CASZ1: variants seen among roughly 807,000 people sequenced by gnomAD.
CASZ1 encodes zinc finger protein castor homolog 1.
CASZ1 carries 28 observed loss-of-function variants against 135.2 expected under a neutral mutation model. The ratio of observed to expected loss-of-function variants is 0.21; its 90% CI spans 0.15 to 0.28. The LOEUF is 0.28. Among genes scored for constraint, CASZ1 ranks in the 10% least tolerant of loss-of-function variants. CASZ1 has a pLI of 1.00. For synonymous variants in CASZ1, 1,068 were observed against 1,073.4 expected (o/e 0.99, Z 0.10); for missense variants, 2,161 against 2,453.3 (o/e 0.88, Z 2.52).
chr1:10,678,622 A>G (rs563015417), intron 4 of CASZ1, among the ~76,000 whole-genome samples: 1 of 151,968 alleles, frequency 6.6e-6, no homozygotes, highest in African/African-American at 2.4e-5. Flanking sequence ...GGTAAATTAG[A>G]TCTGAAAGCT....
chr1:10,742,659 A>C (rs570412744), intron 2 of CASZ1, among the ~76,000 whole-genome samples: 43 of 152,300 alleles, frequency 2.8e-4, no homozygotes, highest in Admixed American at 2.5e-3. Context: ...ATTGAAAGGA[A>C]GGAGAGGAAG....
intron 2 of CASZ1, among the ~76,000 whole-genome samples, chr1:10,714,621 A>G (rs1639345594): frequency 6.6e-6 from 1 of 152,236 alleles, no homozygotes; most frequent in South Asian, 2.1e-4. Context: ...CTGCCCAGCC[A>G]GGAATGTGCT....
In CASZ1 at chr1:10,721,804, G is replaced by A. The variant is rs1001525431; in HGVS notation, c.-76-16260C>T. ...CAGCCCAGCAAGTCTCTGGGTCGTG[G>A]TGGAGGCCAACTGCCTTTTTGCTGC... On this transcript the variant is annotated intron_variant, in intron 2 of 20. Transcript: ENST00000377022. The surrounding 1 kb of genome is among the most constrained non-coding windows in gnomAD (Gnocchi z 5.4). 2.6e-5 allele frequency among the ~76,000 whole-genome samples: 4 copies of A among 152,266 alleles called. No individual in the cohort carries two copies. The highest frequency in any genetic ancestry group is 4.4e-5 in the Non-Finnish European group (3 of 68,038).
At chr1:10,660,635 T>C (rs755393360) in intron 5 of CASZ1, 99 bp from the exon 6 acceptor site, 108 of 898,886 alleles carry the variant, frequency 1.2e-4, no homozygotes, top group Non-Finnish European at 1.8e-4. Flanking sequence ...AGGGGGTCAG[T>C]GTGGGGAGGG....
rs911218397 is a variant in CASZ1 at position 10,794,877 on chromosome 1, A to G, written c.-234+1687T>C. Among the ~76,000 whole-genome samples the G allele has an allele frequency of 6.6e-6, 1 of 151,066 alleles. No homozygotes were observed. The highest frequency in any genetic ancestry group is 1.5e-5 in the Non-Finnish European group (1 of 67,682). ...TCGCCCAAACGCTCCGCAGCGGCCC[A>G]GCAACCGCCCGCCCGCCCGCGCCCG... On this transcript the variant is annotated intron_variant, in intron 1 of 20. Coordinates refer to ENST00000377022, the MANE Select transcript of CASZ1 (RefSeq NM_001079843.3). This position sits in a 1 kb window ranked among gnomAD's most constrained non-coding sequence, Gnocchi z 5.6.
intron 1 of CASZ1, among the ~76,000 whole-genome samples, chr1:10,795,314 T>C (rs1274639186): frequency 6.6e-6 from 1 of 152,176 alleles, no homozygotes; most frequent in Non-Finnish European, 1.5e-5. Context: ...GCTCTCTCCC[T>C]TTGGTGTTCC....
At chr1:10,753,471 C>A (rs534838530) in intron 2 of CASZ1, among the ~76,000 whole-genome samples, 6 of 152,352 alleles carry the variant, frequency 3.9e-5, no homozygotes, top group African/African-American at 1.4e-4. Flanking sequence ...GAGCACAGGG[C>A]TCATTTGCTG....
chr1:10,694,852 T>C lies in CASZ1; in HGVS notation c.-23-940A>G, dbSNP rs1638891216. Among the ~76,000 whole-genome samples the C allele has an allele frequency of 7.1e-6, 1 of 140,388 alleles. No homozygotes were observed. The highest frequency in any genetic ancestry group is 1.6e-5 in the Non-Finnish European group (1 of 63,952). 92.1% of individuals were successfully genotyped at this position (140,388 alleles called of 152,430 possible). A position where few individuals can be genotyped will look rare whatever the true frequency, so the allele number is the denominator to read the frequency against. ...CGCGGGGCGGGGAACGCGGCCCGAG[T>C]AAGGCGCCCGCGGGCACGCGCCCAC... On this transcript the variant is annotated intron_variant, in intron 3 of 20. Transcript: ENST00000377022. This position sits in a 1 kb window ranked among gnomAD's most constrained non-coding sequence, Gnocchi z 6.6.
intron 1 of CASZ1, among the ~76,000 whole-genome samples, chr1:10,773,412 G>C (rs1170405320): frequency 2.6e-5 from 4 of 151,818 alleles, no homozygotes; most frequent in Non-Finnish European, 5.9e-5. Flanking sequence ...AGGGGGCGGG[G>C]GTGGAGCTGG....
In CASZ1 at chr1:10,653,159, G is replaced by A. The variant is rs1409067840; in HGVS notation, c.2680+218C>T. The A allele has an allele frequency of 4.7e-6, 3 of 632,986 alleles. No individual in the cohort carries two copies. The South Asian group carries it at 5.3e-5, about 11-fold the overall frequency. 39.2% of individuals were successfully genotyped at this position (632,986 alleles called of 1,614,324 possible). A position where few individuals can be genotyped will look rare whatever the true frequency, so the allele number is the denominator to read the frequency against. On this transcript the variant is annotated intron_variant, in intron 11 of 20. Coordinates refer to ENST00000377022, the MANE Select transcript of CASZ1 (RefSeq NM_001079843.3). ...CCCCCAGCTCACAGATGGGGAAACA[G>A]AAGCATGGCCCCCCTACTGTGGGGA...
At chr1:10,667,660 G>C (rs80323403) in intron 4 of CASZ1, among the ~76,000 whole-genome samples, 17 of 152,280 alleles carry the variant, frequency 1.1e-4, no homozygotes, top group Admixed American at 5.9e-4. Context: ...AGGGGGGAGT[G>C]GGGGAGCCTG....
rs189444758 is a variant in CASZ1, at chr1:10,708,163, G to T, written c.-76-2619C>A. 3.3e-5 allele frequency among the ~76,000 whole-genome samples: 5 copies of T among 152,308 alleles called. No homozygotes were observed. The East Asian group carries it at 9.6e-4, about 29-fold the overall frequency. Reference sequence around the variant, plus strand: ...GATGGCAAATCAGAAACAGAACTGGGTCCTGGAGCTTCCAGGCTATGGGGC... The same window carrying T: ...GATGGCAAATCAGAAACAGAACTGGTTCCTGGAGCTTCCAGGCTATGGGGC... On this transcript the variant is annotated intron_variant, in intron 2 of 20. Coordinates refer to ENST00000377022, the MANE Select transcript of CASZ1 (RefSeq NM_001079843.3).
chr1:10,706,465 G>A lies in CASZ1; in HGVS notation c.-76-921C>T, dbSNP rs1201407658. Among the ~76,000 whole-genome samples the A allele has an allele frequency of 6.6e-6, 1 of 152,116 alleles. No homozygotes were observed. The highest frequency in any genetic ancestry group is 1.5e-5 in the Non-Finnish European group (1 of 68,032). ...TTTCTTCTCCCCCTCCCTCATTTGT[G>A]GCTTATCAATGATGCAAGAGGAATA... On this transcript the variant is annotated intron_variant, in intron 2 of 20. Coordinates refer to ENST00000377022, the MANE Select transcript of CASZ1 (RefSeq NM_001079843.3). This position sits in a 1 kb window ranked among gnomAD's most constrained non-coding sequence, Gnocchi z 4.3.
Position 10,637,359 on chromosome 1 carries a change from C to G in CASZ1, c.*1583G>C, listed in dbSNP as rs1332528584. Reference sequence around the variant, plus strand: ...ACGCTCCGTGCGACCACTCCTCCCTCCCTGCTCCCTGTCCAGTTCGGGTGG... The same window carrying G: ...ACGCTCCGTGCGACCACTCCTCCCTGCCTGCTCCCTGTCCAGTTCGGGTGG... On this transcript the variant is annotated 3_prime_UTR_variant, in exon 21 of 21. Coordinates refer to ENST00000377022, the MANE Select transcript of CASZ1 (RefSeq NM_001079843.3). The G allele has an allele frequency of 6.5e-6, 1 of 152,752 alleles. No individual in the cohort carries two copies. The highest frequency in any genetic ancestry group is 2.1e-4 in the South Asian group (1 of 4,828). The allele number at this position is 152,752 out of a possible 1,614,324, so 9.5% of individuals were successfully genotyped here. A position where few individuals can be genotyped will look rare whatever the true frequency, so the allele number is the denominator to read the frequency against.
At chr1:10,775,742 C>T (rs1424483426) in intron 1 of CASZ1, among the ~76,000 whole-genome samples, 2 of 152,056 alleles carry the variant, frequency 1.3e-5, no homozygotes, top group African/African-American at 2.4e-5. Flanking sequence ...AATAGAGGCC[C>T]GATGTCAGGA....
intron 2 of CASZ1, among the ~76,000 whole-genome samples, chr1:10,733,653 C>T (rs150397733): frequency 3.3e-5 from 5 of 152,304 alleles, no homozygotes; most frequent in African/African-American, 1.2e-4. Context: ...CCAACTCAGT[C>T]TCCACTAATC....
rs1639574330 is a variant in CASZ1, at chr1:10,725,148, G to A, written c.-76-19604C>T. Among the ~76,000 whole-genome samples the A allele has an allele frequency of 6.6e-6, 1 of 152,186 alleles. No homozygotes were observed. The highest frequency in any genetic ancestry group is 2.4e-5 in the African/African-American group (1 of 41,454). On this transcript the variant is annotated intron_variant, in intron 2 of 20. Transcript: ENST00000377022. This position sits in a 1 kb window ranked among gnomAD's most constrained non-coding sequence, Gnocchi z 4.4. ...GGGTAGGATTCCCTAGTTGGCCAGG[G>A]AGCCCTGGATGGATACGGCGAGAAC...
Position 10,644,968 on chromosome 1 carries a change from C to A in CASZ1, c.3817G>T (p.Ala1273Ser). 1 of 1,613,374 alleles carries A rather than the reference C, an allele frequency of 6.2e-7. No homozygotes were observed. The highest frequency in any genetic ancestry group is 8.5e-7 in the Non-Finnish European group (1 of 1,179,936). Reference protein sequence around the residue: ...IKKHEKAERRAANGFKYFTKR... With the variant: ...IKKHEKAERRSANGFKYFTKR... ...GTGAAGTATTTGAAGCCATTGGCTG[C>A]CCGCCGCTCCGCCTTCTCATGCTTC... The change falls in exon 18 of 21, where the codon GCA becomes TCA. Residue 1273 changes from alanine to serine, a missense_variant. Transcript: ENST00000377022.
At chr1:10,792,027 A>C (rs1438490784) in intron 1 of CASZ1, among the ~76,000 whole-genome samples, 1 of 151,830 alleles carries the variant, frequency 6.6e-6, no homozygotes, top group African/African-American at 2.4e-5. Context: ...AATCAAACAA[A>C]TTTTAAAAAT....
Sources: gnomAD v4.1 joint callset for allele counts (sites outside exome capture counted in the v4.1 genomes callset) on GRCh38, gnomAD v4.1.1 for gene constraint, Gnocchi (gnomAD v3.1) non-coding constraint, MANE v1.5 for transcripts, NCBI Gene and HGNC (gene_info 2026-07-23, HGNC 2026-07-21) for gene names.